The following NRXN3 variants were observed in gnomAD, a reference collection of about 807,000 sequenced individuals.
NRXN3 encodes the protein neurexin III.
In NRXN3, 32 loss-of-function variants were observed where a neutral mutation model predicts 137.6. The ratio of observed to expected loss-of-function variants is 0.23; its 90% CI spans 0.18 to 0.31. The LOEUF is 0.31. Ranked by LOEUF, NRXN3 falls within the 10% of genes least tolerant of loss-of-function variation. The probability of loss-of-function intolerance (pLI) is 1.00; values close to 1 mark genes in which losing one functional copy is unlikely to be tolerated. For synonymous variants in NRXN3, 798 were observed against 784.5 expected, an observed-to-expected ratio of 1.02 and a Z score of -0.29; for missense variants, 1,574 against 2,062.5, an observed-to-expected ratio of 0.76 and a Z score of 4.59.
rs2097293826 is a variant in NRXN3, at chr14:79,543,605, G to C, written c.3444+76203G>C. Among the ~76,000 whole-genome samples, 3 of 152,202 alleles carry C rather than the reference G, an allele frequency of 2.0e-5. No individual in the cohort carries two copies. The South Asian group carries it at 6.2e-4, about 31-fold the overall frequency. ...GAGTCGGCTGTATTTGGCATGACAA[G>C]GTTGGCACAGGCCAGCTGAGACCTT... On this transcript the variant is annotated intron_variant, in intron 16 of 20. Transcript: ENST00000335750.
rs17108322 is a variant in NRXN3, at chr14:78,873,455, A to C, written c.2275+63111A>C. 0.013 allele frequency among the ~76,000 whole-genome samples: 2,006 copies of C among 152,284 alleles called. 228 individuals are homozygous for C. In the East Asian group the frequency reaches 0.27, roughly 20 times the overall value. ...TATGGAATATGTTCATTATCTCAGTACCATGTTTGGGCTCATAAAAATAAA... is the reference window on the plus strand; with the variant it reads ...TATGGAATATGTTCATTATCTCAGTCCCATGTTTGGGCTCATAAAAATAAA... On this transcript the variant is annotated intron_variant, in intron 10 of 20. Coordinates refer to ENST00000335750, the MANE Select transcript of NRXN3 (RefSeq NM_001330195.2).
chr14:78,655,880 G>A (rs1010680319), intron 6 of NRXN3, among the ~76,000 whole-genome samples: 2 of 152,068 alleles, frequency 1.3e-5, no homozygotes, highest in Admixed American at 6.6e-5. Context: ...TTCTGGTGAG[G>A]GCCCTCTTCT....
At chr14:78,644,833 C>T (rs1484874564) in intron 4 of NRXN3, among the ~76,000 whole-genome samples, 1 of 152,206 alleles carries the variant, frequency 6.6e-6, no homozygotes, top group Non-Finnish European at 1.5e-5. Context: ...TGAAACCTCC[C>T]TTTAGGTTTT....
chr14:79,779,349 GT>G (rs2099106889), intron 19 of NRXN3, among the ~76,000 whole-genome samples: 1 of 152,060 alleles, frequency 6.6e-6, no homozygotes, highest in African/African-American at 2.4e-5. Context: ...CCGACCTCAG[GT>G]GATCCGCCCA....
intron 15 of NRXN3, among the ~76,000 whole-genome samples, chr14:79,166,499 G>T (rs993709077): frequency 2.3e-4 from 35 of 150,356 alleles, no homozygotes; most frequent in African/African-American, 8.6e-4. Context: ...AATTCAAGTA[G>T]AATCTCATCT....
At chr14:79,755,727 C>A (rs2099017160) in intron 19 of NRXN3, among the ~76,000 whole-genome samples, 1 of 152,076 alleles carries the variant, frequency 6.6e-6, no homozygotes, top group Non-Finnish European at 1.5e-5. Flanking sequence ...GCTTTTTATG[C>A]TAGGCAGGTT....
intron 4 of NRXN3, among the ~76,000 whole-genome samples, chr14:78,442,456 T>A (rs2094290795): frequency 6.6e-6 from 1 of 152,176 alleles, no homozygotes; most frequent in African/African-American, 2.4e-5. Context: ...AGAGGGAGCA[T>A]GGCCCTGCCA....
chr14:78,353,809 G>A (rs993302068), intron 4 of NRXN3, among the ~76,000 whole-genome samples: 20 of 152,070 alleles, frequency 1.3e-4, no homozygotes, highest in African/African-American at 4.1e-4. Flanking sequence ...ATTGAAATTC[G>A]TAAGGGGATA....
chr14:79,759,271 C>A (rs957420917), intron 19 of NRXN3, among the ~76,000 whole-genome samples: 4 of 148,038 alleles, frequency 2.7e-5, no homozygotes, highest in Non-Finnish European at 5.9e-5. Flanking sequence ...AGACCAACTG[C>A]TGATACCCAG....
chr14:79,124,320 C>A (rs143098799), intron 15 of NRXN3, among the ~76,000 whole-genome samples: 30 of 152,216 alleles, frequency 2.0e-4, no homozygotes, highest in African/African-American at 6.3e-4. Context: ...GTAAGGGAGA[C>A]GAGAGAGGAT....
chr14:79,675,145 T>C (rs889621486), intron 17 of NRXN3, among the ~76,000 whole-genome samples: 2 of 152,050 alleles, frequency 1.3e-5, no homozygotes, highest in Admixed American at 6.6e-5. Flanking sequence ...AACATTTGGA[T>C]GTAGACAGGG....
intron 4 of NRXN3, among the ~76,000 whole-genome samples, chr14:78,475,265 C>T (rs78668413): frequency 0.022 from 3,359 of 152,054 alleles, 74 homozygotes; most frequent in Non-Finnish European, 0.032. Context: ...AGAGGTAGGA[C>T]CTATATGCTA....
intron 19 of NRXN3, among the ~76,000 whole-genome samples, chr14:79,783,565 T>C (rs1220706165): frequency 6.6e-6 from 1 of 152,200 alleles, no homozygotes; most frequent in African/African-American, 2.4e-5. Flanking sequence ...TCAACTCCAT[T>C]AAGAGCTTTT....
At chr14:79,047,026 T>A (rs971142864) in intron 15 of NRXN3, among the ~76,000 whole-genome samples, 1 of 152,088 alleles carries the variant, frequency 6.6e-6, no homozygotes, top group African/African-American at 2.4e-5. Context: ...AATGAGTTAT[T>A]ACTTGTAAAA....
intron 18 of NRXN3, among the ~76,000 whole-genome samples, chr14:79,697,210 C>T (rs540321160): frequency 2.6e-5 from 4 of 151,862 alleles, no homozygotes; most frequent in African/African-American, 9.6e-5. Context: ...GTTTTTTTGG[C>T]CATATTTAAT....
intron 6 of NRXN3, among the ~76,000 whole-genome samples, chr14:78,669,623 A>G (rs772179286): frequency 6.6e-6 from 1 of 152,100 alleles, no homozygotes; most frequent in African/African-American, 2.4e-5. Context: ...ACCCATAGTG[A>G]CACACGGGTC....
chr14:79,621,201 A>G (rs2098220125), intron 16 of NRXN3, among the ~76,000 whole-genome samples: 1 of 152,212 alleles, frequency 6.6e-6, no homozygotes, highest in African/African-American at 2.4e-5. Flanking sequence ...GCTAGGTAAA[A>G]GAAAAGGCTA....
intron 19 of NRXN3, among the ~76,000 whole-genome samples, chr14:79,760,099 C>G (rs2099033222): frequency 6.6e-6 from 1 of 151,514 alleles, no homozygotes; most frequent in Admixed American, 6.6e-5. Context: ...GTGTAAATTT[C>G]CAACTGAGTA....
chr14:78,807,202 C>T (rs1303566886), intron 9 of NRXN3, among the ~76,000 whole-genome samples: 1 of 152,178 alleles, frequency 6.6e-6, no homozygotes, highest in Non-Finnish European at 1.5e-5. Flanking sequence ...AGGGAAAAGA[C>T]AGTTGATATG....
Sources: gnomAD v4.1 joint callset for allele counts (sites outside exome capture counted in the v4.1 genomes callset) on GRCh38, gnomAD v4.1.1 for gene constraint, MANE v1.5 for transcripts, NCBI Gene and HGNC (gene_info 2026-07-23, HGNC 2026-07-21) for gene names.